The following FAF1 variants were observed in gnomAD, a reference collection of about 807,000 sequenced individuals.
The protein encoded by FAF1 is FAS-associated factor 1.
FAF1 carries 25 observed loss-of-function variants against 92.5 expected under a neutral mutation model. The observed-to-expected ratio is 0.27, with a 90% CI of 0.20 to 0.38. The LOEUF is 0.38. Ranked by LOEUF, FAF1 falls within the 10% of genes least tolerant of loss-of-function variation. The pLI is 1.00. For missense variants in FAF1, 636 were observed against 793.3 expected (o/e 0.80, Z 2.38); for synonymous variants, 234 against 273.2 (o/e 0.86, Z 1.42).
At chr1:50,659,031 A>G (rs191547460) in intron 7 of FAF1, among the ~76,000 whole-genome samples, 2 of 152,326 alleles carry the variant, frequency 1.3e-5, no homozygotes, top group African/African-American at 4.8e-5. Context: ...TTAATAAAAA[A>G]TTGAAATCAT....
chr1:50,957,347 CTT>C (rs1188286312), intron 1 of FAF1, among the ~76,000 whole-genome samples: 20,571 of 102,396 alleles, frequency 0.2, 947 homozygotes, highest in Middle Eastern at 0.37. Context: ...TTTTCATTTT[CTT>C]TTTTTTTTTT....
chr1:50,860,435 G>A (rs1287969830), intron 1 of FAF1, among the ~76,000 whole-genome samples: 1 of 151,710 alleles, frequency 6.6e-6, no homozygotes, highest in African/African-American at 2.4e-5. Flanking sequence ...TAAAAAATGG[G>A]CAAAGGACAT....
At chr1:50,634,187 T>C (rs1653912101) in intron 8 of FAF1, among the ~76,000 whole-genome samples, 1 of 152,158 alleles carries the variant, frequency 6.6e-6, no homozygotes, top group South Asian at 2.1e-4. Context: ...GTGAGAAAAT[T>C]TGTAAGACTT....
chr1:50,463,182 G>C (rs982084278), intron 18 of FAF1, among the ~76,000 whole-genome samples: 3 of 152,182 alleles, frequency 2.0e-5, no homozygotes, highest in African/African-American at 4.8e-5. Flanking sequence ...GCCCTGGGCA[G>C]AGTCCCTATA....
intron 17 of FAF1, among the ~76,000 whole-genome samples, 195 bp downstream of exon 17, chr1:50,490,392 GA>G (rs1289758981): frequency 5.6e-5 from 1 of 17,896 alleles, no homozygotes; most frequent in East Asian, 7.9e-4. Context: ...AAAAAGGAAG[GA>G]AGGAAGGAAG....
intron 2 of FAF1, among the ~76,000 whole-genome samples, chr1:50,807,324 A>G (rs1371654600): frequency 2.0e-5 from 3 of 152,260 alleles, no homozygotes; most frequent in Non-Finnish European, 4.4e-5. Context: ...TAATTGACTC[A>G]CAGTTCCACA....
At chr1:50,791,058 T>G (rs1008061040) in intron 3 of FAF1, among the ~76,000 whole-genome samples, 3 of 152,152 alleles carry the variant, frequency 2.0e-5, no homozygotes, top group African/African-American at 7.2e-5. Flanking sequence ...AGTTTTTCAA[T>G]CAACAGAGCT....
chr1:50,858,828 TG>T (rs1429231620), intron 1 of FAF1, among the ~76,000 whole-genome samples: 1 of 151,854 alleles, frequency 6.6e-6, no homozygotes, highest in African/African-American at 2.4e-5. Context: ...ATTTTTAAGC[TG>T]GGCACATTAA....
intron 13 of FAF1, among the ~76,000 whole-genome samples, chr1:50,540,137 A>T (rs951784830): frequency 2.6e-5 from 4 of 151,458 alleles, no homozygotes; most frequent in Non-Finnish European, 5.9e-5. Context: ...CACCTGGCTA[A>T]TTTTTTTTGT....
intron 13 of FAF1, among the ~76,000 whole-genome samples, chr1:50,554,390 T>TATATATATATAGAGAGAGAGAGAGAGAG: frequency 9.9e-4 from 93 of 93,648 alleles, no homozygotes; most frequent in Non-Finnish European, 1.4e-3. Context: ...TATATATATA[T>TATATATATATAGAGAGAGAGAGAGAGAG]AGAGAGAGAG....
chr1:50,929,114 A>G (rs1645029742), intron 1 of FAF1, among the ~76,000 whole-genome samples: 1 of 146,928 alleles, frequency 6.8e-6, no homozygotes, highest in African/African-American at 2.5e-5. Flanking sequence ...AAAAACTGGG[A>G]AGGCTAGCAA....
intron 17 of FAF1, among the ~76,000 whole-genome samples, chr1:50,490,220 C>T (rs1336616770): frequency 6.6e-6 from 1 of 151,976 alleles, no homozygotes; most frequent in African/African-American, 2.4e-5. Flanking sequence ...ATTAGCCAGG[C>T]ATGGTGGTGT....
At chr1:50,871,979 G>A (rs1166591103) in intron 1 of FAF1, among the ~76,000 whole-genome samples, 2 of 150,800 alleles carry the variant, frequency 1.3e-5, no homozygotes, top group African/African-American at 4.9e-5. Flanking sequence ...GCAGGAGAAT[G>A]GCATGAACCC....
intron 2 of FAF1, among the ~76,000 whole-genome samples, chr1:50,815,369 C>G (rs1172343007): frequency 1.3e-5 from 2 of 152,180 alleles, no homozygotes; most frequent in Non-Finnish European, 2.9e-5. Flanking sequence ...CCTCCAGCTG[C>G]ATCCATGTTA....
chr1:50,468,499 G>A (rs958104492), intron 18 of FAF1, among the ~76,000 whole-genome samples: 8 of 142,932 alleles, frequency 5.6e-5, no homozygotes, highest in African/African-American at 1.9e-4. Context: ...TCACTCTGTC[G>A]CCCAGGCTGG....
intron 7 of FAF1, among the ~76,000 whole-genome samples, chr1:50,665,579 G>A (rs777220655): frequency 1.7e-4 from 26 of 152,152 alleles, no homozygotes; most frequent in Non-Finnish European, 2.6e-4. Flanking sequence ...TGTCCATAAA[G>A]TTACACTGGA....
At chr1:50,872,840 A>C (rs1644539526) in intron 1 of FAF1, among the ~76,000 whole-genome samples, 1 of 152,016 alleles carries the variant, frequency 6.6e-6, no homozygotes, top group East Asian at 1.9e-4. Flanking sequence ...GCGGAGTTGC[A>C]GTGAGCCGAG....
At chr1:50,635,803 G>A (rs1653982236) in intron 8 of FAF1, among the ~76,000 whole-genome samples, 1 of 152,142 alleles carries the variant, frequency 6.6e-6, no homozygotes, top group Admixed American at 6.6e-5. Flanking sequence ...TCTTAGATTA[G>A]CGCAGAGGTA....
chr1:50,603,419 C>G (rs377085323), intron 8 of FAF1, among the ~76,000 whole-genome samples: 2 of 152,106 alleles, frequency 1.3e-5, no homozygotes, highest in African/African-American at 2.4e-5. Flanking sequence ...ACATTTCCAA[C>G]GTAGATAAGG....
Sources: gnomAD v4.1 joint callset for allele counts (sites outside exome capture counted in the v4.1 genomes callset) on GRCh38, gnomAD v4.1.1 for gene constraint, MANE v1.5 for transcripts, NCBI Gene and HGNC (gene_info 2026-07-23, HGNC 2026-07-21) for gene names.